Variants in EPHB2 observed in about 807,000 individuals in gnomAD.
The protein encoded by EPHB2 is ephrin type-B receptor 2.
A neutral mutation model predicts 96.4 loss-of-function variants in EPHB2; 18 were observed. That is an observed-to-expected ratio of 0.19 (90% CI 0.13 to 0.28). The LOEUF is 0.28. Among genes scored for constraint, EPHB2 ranks in the 10% least tolerant of loss-of-function variants. The probability of loss-of-function intolerance (pLI) is 1.00; values close to 1 mark genes in which losing one functional copy is unlikely to be tolerated. For synonymous variants in EPHB2, 506 were observed against 534.1 expected, an observed-to-expected ratio of 0.95 and a Z score of 0.72; for missense variants, 989 against 1,355.4, an observed-to-expected ratio of 0.73 and a Z score of 4.25.
chr1:22,741,153 T>C (rs1643896914), intron 1 of EPHB2, among the ~76,000 whole-genome samples: 1 of 151,954 alleles, frequency 6.6e-6, no homozygotes, highest in Non-Finnish European at 1.5e-5. Flanking sequence ...TCTGATTCTA[T>C]CTAAGTGCTT....
rs190346276 is a variant in EPHB2 at position 22,785,553 on chromosome 1, A to T, written c.811+477A>T. 2.6e-5 allele frequency among the ~76,000 whole-genome samples: 4 copies of T among 152,382 alleles called. No individual in the cohort carries two copies. In the East Asian group the frequency reaches 7.7e-4, roughly 29 times the overall value. ...TTTCTCCCCTTAATGCTCCATGTCC[A>T]TTGTGGATCAGCTTGGGACTCCTCC... On this transcript the variant is annotated intron_variant, in intron 3 of 15. Transcript: ENST00000374630.
At position 22,908,111 on chromosome 1, in the gene EPHB2, T is replaced by C; in HGVS notation, c.2295T>C (p.Phe765=). 1.2e-6 allele frequency: 2 copies of C among 1,614,252 alleles called. No individual in the cohort carries two copies. Among genetic ancestry groups the C allele is most frequent in the Non-Finnish European group, 1.7e-6 (2 of 1,180,044 alleles). The change falls in exon 12 of 16, where the codon TTT becomes TTC. Residue 765 remains phenylalanine (F), a synonymous_variant. Transcript: ENST00000374630. The part of the protein sequence containing the change: ...NSNLVCKVSD[F]GLSRFLEDDT... ...ACCTGGTCTGCAAGGTGTCGGACTT[T>C]GGGCTCTCACGCTTTCTAGAGGACG...
At position 22,864,909 on chromosome 1, in the gene EPHB2, A is replaced by G. The variant is rs1487407756; in HGVS notation, c.1000A>G (p.Ser334Gly). ...CTCCGCGCCCCAGGCTGTGATTTCC[A>G]GTGTCAATGAGACCTCCCTCATGCT... ...IPSAPQAVIS[S>G]VNETSLMLEW... Residue 334 changes from serine (S) to glycine (G), a missense_variant, in exon 5 of 16, where the codon AGT (serine) becomes GGT (glycine). Transcript: ENST00000374630. 6.3e-7 allele frequency: 1 copy of G among 1,583,418 alleles called. No individual in the cohort carries two copies. Among genetic ancestry groups the G allele is most frequent in the South Asian group, 1.1e-5 (1 of 87,464 alleles).
intron 1 of EPHB2, among the ~76,000 whole-genome samples, chr1:22,727,278 G>A (rs558154362): frequency 2.4e-4 from 36 of 152,356 alleles, no homozygotes; most frequent in Admixed American, 2.2e-3. Flanking sequence ...TCCAGCAGTT[G>A]GGAGAGGCCA....
intron 6 of EPHB2, among the ~76,000 whole-genome samples, chr1:22,888,483 T>C (rs2148560217): frequency 6.6e-6 from 1 of 152,344 alleles, no homozygotes; most frequent in Admixed American, 6.5e-5. Flanking sequence ...CCTACTTGCA[T>C]TAACCCACTT....
At chr1:22,832,957 G>A (rs1205673504) in intron 3 of EPHB2, among the ~76,000 whole-genome samples, 1 of 152,144 alleles carries the variant, frequency 6.6e-6, no homozygotes, top group East Asian at 1.9e-4. Context: ...TACAGACAGG[G>A]AGAATGTTCT....
At chr1:22,828,798 A>T (rs1246906148) in intron 3 of EPHB2, among the ~76,000 whole-genome samples, 1 of 152,248 alleles carries the variant, frequency 6.6e-6, no homozygotes, top group Non-Finnish European at 1.5e-5. Context: ...AGAGGCCAAG[A>T]GGCAGGAGCT....
Position 22,846,023 on chromosome 1 carries a change from C to T in EPHB2, c.812-17014C>T, listed in dbSNP as rs1166633469. ...GTAACTTGTTAAGAAGCCATTTGGC[C>T]CTGGGAAAGTTTGGGATCAGTTAGA... On this transcript the variant is annotated intron_variant, in intron 3 of 15. Transcript: ENST00000374630. This position sits in a 1 kb window ranked among gnomAD's most constrained non-coding sequence, Gnocchi z 4.3. Among the ~76,000 whole-genome samples the T allele has an allele frequency of 2.0e-5, 3 of 151,964 alleles. No homozygotes were observed. The highest frequency in any genetic ancestry group is 4.4e-5 in the Non-Finnish European group (3 of 68,006).
intron 5 of EPHB2, among the ~76,000 whole-genome samples, chr1:22,870,008 G>T (rs1480592347): frequency 3.3e-5 from 5 of 152,222 alleles, no homozygotes; most frequent in African/African-American, 9.7e-5. Flanking sequence ...GAAGCGTGGG[G>T]TGAGGTGGGG....
At position 22,892,759 on chromosome 1, in the gene EPHB2, G is replaced by A. The variant is rs1639428881; in HGVS notation, c.1429-125G>A. The A allele has an allele frequency of 6.5e-6, 8 of 1,222,636 alleles. No individual in the cohort carries two copies. In the Admixed American group the frequency reaches 1.3e-4, roughly 21 times the overall value. 75.7% of individuals were successfully genotyped at this position (1,222,636 alleles called of 1,614,324 possible). On this transcript the variant is annotated intron_variant, in intron 6 of 15. Transcript: ENST00000374630. ...AATTCTATTAAAGGGAGGGGATGAA[G>A]AATTGGGAACCATAGATGTTTATCC...
chr1:22,719,129 C>T (rs908078617), intron 1 of EPHB2, among the ~76,000 whole-genome samples: 5 of 152,116 alleles, frequency 3.3e-5, no homozygotes, highest in South Asian at 2.1e-4. Flanking sequence ...TTGTAAGGGG[C>T]GCCTCCACAG....
At chr1:22,813,224 A>G (rs1645027226) in intron 3 of EPHB2, among the ~76,000 whole-genome samples, 1 of 152,154 alleles carries the variant, frequency 6.6e-6, no homozygotes, top group Non-Finnish European at 1.5e-5. Flanking sequence ...AGGTTCAGTA[A>G]CTTGTCACAG....
intron 1 of EPHB2, among the ~76,000 whole-genome samples, chr1:22,745,612 T>C (rs1001298879): frequency 6.6e-6 from 1 of 152,184 alleles, no homozygotes; most frequent in Non-Finnish European, 1.5e-5. Context: ...CACTTTCTAA[T>C]GGTTTGGCTT....
intron 3 of EPHB2, among the ~76,000 whole-genome samples, chr1:22,808,078 G>A (rs1644951833): frequency 6.6e-6 from 1 of 151,700 alleles, no homozygotes; most frequent in South Asian, 2.1e-4. Context: ...AGGTTGCAGT[G>A]AGCCGAGATG....
At chr1:22,732,876 A>G (rs7524041) in intron 1 of EPHB2, among the ~76,000 whole-genome samples, 1 of 152,188 alleles carries the variant, frequency 6.6e-6, no homozygotes, top group African/African-American at 2.4e-5. Flanking sequence ...CATCACACAC[A>G]AAAAATCAGC....
At chr1:22,894,770 G>T (rs534924048) in intron 7 of EPHB2, among the ~76,000 whole-genome samples, 1 of 152,218 alleles carries the variant, frequency 6.6e-6, no homozygotes, top group East Asian at 1.9e-4. Context: ...TGGCTGGGGT[G>T]CTACTTTCTT....
At chr1:22,742,893 CT>C (rs772158428) in intron 1 of EPHB2, among the ~76,000 whole-genome samples, 4,817 of 147,112 alleles carry the variant, frequency 0.033, 90 homozygotes, top group Middle Eastern at 0.056. Context: ...TTATTATGAA[CT>C]TTTTTTTTTT....
At chr1:22,852,639 A>C (rs1645639566) in intron 3 of EPHB2, among the ~76,000 whole-genome samples, 1 of 152,168 alleles carries the variant, frequency 6.6e-6, no homozygotes, top group South Asian at 2.1e-4. Flanking sequence ...AAACACCCTC[A>C]CCAGCTCACC....
intron 8 of EPHB2, among the ~76,000 whole-genome samples, chr1:22,895,964 A>C (rs1331814672): frequency 6.6e-6 from 1 of 152,184 alleles, no homozygotes; most frequent in Non-Finnish European, 1.5e-5. Context: ...GGGAGGACTT[A>C]GGAGGAGGAG....
Sources: allele counts gnomAD v4.1 joint callset (sites outside exome capture counted in the v4.1 genomes callset), GRCh38; gene constraint gnomAD v4.1.1; non-coding constraint Gnocchi (gnomAD v3.1); transcripts MANE v1.5; gene names NCBI Gene and HGNC (gene_info 2026-07-23, HGNC 2026-07-21).